Variants in DOCK2 observed in about 807,000 individuals in gnomAD.
The protein encoded by DOCK2 is dedicator of cytokinesis protein 2.
DOCK2 carries 87 observed loss-of-function variants against 248.9 expected under a neutral mutation model. That is an observed-to-expected ratio of 0.35 (90% CI 0.29 to 0.42). DOCK2 has a LOEUF of 0.42. DOCK2 is among the 10% of genes least tolerant of loss of function. The probability of loss-of-function intolerance (pLI) is 1.00; values close to 1 mark genes in which losing one functional copy is unlikely to be tolerated. For synonymous variants in DOCK2, 805 were observed against 821.6 expected (o/e 0.98, Z 0.35); for missense variants, 1,747 against 2,300.2 (o/e 0.76, Z 4.92).
chr5:170,070,291 G>A (rs1757638695), intron 46 of DOCK2, among the ~76,000 whole-genome samples: 1 of 152,248 alleles, frequency 6.6e-6, no homozygotes, highest in African/African-American at 2.4e-5. Flanking sequence ...TTTTGTGGTT[G>A]GGAGTTTTTG....
At chr5:169,972,014 G>T (rs561211026) in intron 27 of DOCK2, among the ~76,000 whole-genome samples, 270 of 152,336 alleles carry the variant, frequency 1.8e-3, no homozygotes, top group Non-Finnish European at 2.9e-3. Flanking sequence ...ACTCTTTCCT[G>T]CTGAGCTAGG....
chr5:169,994,749 G>A (rs1229602195), intron 29 of DOCK2, among the ~76,000 whole-genome samples: 2 of 152,124 alleles, frequency 1.3e-5, no homozygotes, highest in Non-Finnish European at 2.9e-5. Flanking sequence ...AAGAAGGTTG[G>A]GGTCCCATCA....
rs1009202520 is a variant in DOCK2 at position 169,718,679 on chromosome 5, A to T, written c.2155A>T (p.Thr719Ser). Residue 719 changes from threonine to serine, a missense_variant, in exon 22 of 52, where the codon ACT becomes TCT. By Grantham distance (58) the Thr-to-Ser change is moderately conservative. Transcript: ENST00000520908. ...AYKKLMTVLK[T>S]YLDTSSRGEQ... is the part of the protein sequence containing the mutation. Reference sequence around the variant, plus strand: ...CAGGAAATTGATGACAGTGCTGAAGACTTACTTGGATACCTCCAGCAGAGG... The same window carrying T: ...CAGGAAATTGATGACAGTGCTGAAGTCTTACTTGGATACCTCCAGCAGAGG... 1 of 1,613,720 alleles carries T rather than the reference A, an allele frequency of 6.2e-7. No homozygotes were observed. The highest frequency in any genetic ancestry group is 8.5e-7 in the Non-Finnish European group (1 of 1,179,744).
chr5:169,716,425 T>G, intron 20 of DOCK2, 123 bp downstream of exon 20: 1 of 915,510 alleles, frequency 1.1e-6, no homozygotes, highest in Admixed American at 2.5e-5. Flanking sequence ...TTTGGAGGTG[T>G]TGTAATGTTT....
intron 22 of DOCK2, among the ~76,000 whole-genome samples, chr5:169,737,373 C>T (rs1048109533): frequency 1.3e-5 from 2 of 152,066 alleles, no homozygotes; most frequent in African/African-American, 2.4e-5. Flanking sequence ...GAGTGTCAGG[C>T]CATGACCTCT....
chr5:169,694,746 G>A (rs973932134), intron 9 of DOCK2, among the ~76,000 whole-genome samples: 2 of 152,096 alleles, frequency 1.3e-5, no homozygotes, highest in Non-Finnish European at 2.9e-5. Context: ...TTCGGAGGCT[G>A]ATGTGGGAGG....
chr5:169,766,441 A>G (rs1007141816), intron 25 of DOCK2, among the ~76,000 whole-genome samples: 5 of 152,192 alleles, frequency 3.3e-5, no homozygotes, highest in Non-Finnish European at 5.9e-5. Flanking sequence ...CATCATGTAT[A>G]TGTACCACAT....
At chr5:169,681,600 C>A in intron 6 of DOCK2, 144 bp from the exon 7 acceptor site, 1 of 945,164 alleles carries the variant, frequency 1.1e-6, no homozygotes, top group Non-Finnish European at 1.6e-6. Flanking sequence ...TGCTCACTAG[C>A]AGTGTCCCAG....
At chr5:169,976,745 T>A (rs1777730838) in intron 27 of DOCK2, among the ~76,000 whole-genome samples, 1 of 152,186 alleles carries the variant, frequency 6.6e-6, no homozygotes, top group Non-Finnish European at 1.5e-5. Flanking sequence ...TCTGGCCCCT[T>A]GTCTGTGCTT....
intron 5 of DOCK2, among the ~76,000 whole-genome samples, chr5:169,673,236 AG>A (rs1759135188): frequency 6.6e-6 from 1 of 151,972 alleles, no homozygotes; most frequent in South Asian, 2.1e-4. Flanking sequence ...GAAGCTATCT[AG>A]GGGCCCACCT....
intron 27 of DOCK2, among the ~76,000 whole-genome samples, chr5:169,925,681 T>C (rs2113665329): frequency 6.6e-6 from 1 of 151,172 alleles, no homozygotes; most frequent in African/African-American, 2.4e-5. Context: ...TGTAGTTCAG[T>C]TTCTTCATCT....
chr5:169,855,160 T>A (rs261040), intron 27 of DOCK2, among the ~76,000 whole-genome samples: 48,270 of 152,156 alleles, frequency 0.32, 10,393 homozygotes, highest in African/African-American at 0.62. Context: ...TAAACTACCT[T>A]GTGGTAATTT....
intron 27 of DOCK2, among the ~76,000 whole-genome samples, chr5:169,935,483 A>G (rs2113693093): frequency 6.6e-6 from 1 of 152,258 alleles, no homozygotes; most frequent in African/African-American, 2.4e-5. Flanking sequence ...TTGAGAGCTG[A>G]TTTCTAAAAC....
At chr5:169,661,226 G>A (rs1758429152) in intron 2 of DOCK2, among the ~76,000 whole-genome samples, 1 of 152,132 alleles carries the variant, frequency 6.6e-6, no homozygotes, top group African/African-American at 2.4e-5. Context: ...TCAGAAGAAA[G>A]TATTAACAGG....
intron 14 of DOCK2, 41 bp from the exon 15 acceptor site, chr5:169,708,128 A>G: frequency 1.3e-6 from 2 of 1,597,622 alleles, no homozygotes; most frequent in Non-Finnish European, 1.7e-6. Context: ...GAAAATGACA[A>G]TTCTGTAGTC....
chr5:169,701,643 C>T (rs528922081), intron 13 of DOCK2, among the ~76,000 whole-genome samples: 8 of 152,100 alleles, frequency 5.3e-5, no homozygotes, highest in Admixed American at 2.6e-4. Flanking sequence ...GCCTCCTGAG[C>T]AGTTGGGACC....
At chr5:169,820,406 C>T (rs1768355587) in intron 26 of DOCK2, among the ~76,000 whole-genome samples, 2 of 152,210 alleles carry the variant, frequency 1.3e-5, no homozygotes, top group African/African-American at 4.8e-5. Flanking sequence ...CAGCTGGGTA[C>T]CCCTCTGAGA....
intron 27 of DOCK2, among the ~76,000 whole-genome samples, chr5:169,967,629 G>A (rs1483966272): frequency 2.0e-5 from 3 of 152,148 alleles, no homozygotes; most frequent in South Asian, 2.1e-4. Context: ...GTAGGATTGA[G>A]ATTTAGTCTC....
intron 26 of DOCK2, among the ~76,000 whole-genome samples, chr5:169,814,846 T>C (rs1001475487): frequency 1.8e-4 from 28 of 152,310 alleles, no homozygotes; most frequent in African/African-American, 6.3e-4. Flanking sequence ...ATACAGGTTT[T>C]TCTGATTTAT....
Sources: allele counts gnomAD v4.1 joint callset (sites outside exome capture counted in the v4.1 genomes callset), GRCh38; gene constraint gnomAD v4.1.1; transcripts MANE v1.5; gene names NCBI Gene and HGNC (gene_info 2026-07-23, HGNC 2026-07-21).